Variants in POU6F2 observed in about 807,000 individuals in gnomAD.
The protein encoded by POU6F2 is POU domain, class 6, transcription factor 2.
In POU6F2, 31 loss-of-function variants were observed where a neutral mutation model predicts 71.3. The ratio of observed to expected loss-of-function variants is 0.43; its 90% CI spans 0.33 to 0.59. The LOEUF (loss-of-function observed/expected upper bound fraction) is 0.59. Among genes scored for constraint, POU6F2 ranks in the 20% least tolerant of loss-of-function variants. POU6F2 has a pLI of 0.04. For synonymous variants in POU6F2, 347 were observed against 355.7 expected (o/e 0.98, Z 0.27); for missense variants, 783 against 856.8 (o/e 0.91, Z 1.07).
At chr7:39,091,201 A>G (rs1366013780) in intron 2 of POU6F2, among the ~76,000 whole-genome samples, 3 of 152,188 alleles carry the variant, frequency 2.0e-5, no homozygotes, top group Non-Finnish European at 4.4e-5. Flanking sequence ...CAAACTTTTC[A>G]CCATATTTGT....
chr7:39,051,079 A>C (rs1790391839), intron 1 of POU6F2, among the ~76,000 whole-genome samples: 1 of 152,142 alleles, frequency 6.6e-6, no homozygotes, highest in African/African-American at 2.4e-5. Context: ...TGCCTAGCCT[A>C]TGCTTCAGGA....
intron 5 of POU6F2, among the ~76,000 whole-genome samples, chr7:39,381,472 C>T (rs765084591): frequency 2.0e-5 from 3 of 152,040 alleles, no homozygotes; most frequent in Non-Finnish European, 4.4e-5. Flanking sequence ...AAACACCTGA[C>T]CTCAAATGAT....
chr7:39,302,748 G>C (rs1252390188), intron 4 of POU6F2, among the ~76,000 whole-genome samples: 1 of 152,230 alleles, frequency 6.6e-6, no homozygotes. Flanking sequence ...TTCATCGCTT[G>C]AGCATCTATC....
chr7:39,321,076 T>A (rs1421107441), intron 4 of POU6F2, among the ~76,000 whole-genome samples: 1 of 142,584 alleles, frequency 7.0e-6, no homozygotes, highest in Non-Finnish European at 1.5e-5. Flanking sequence ...TAAATAACAA[T>A]TCTTCTATAA....
intron 2 of POU6F2, among the ~76,000 whole-genome samples, chr7:39,147,108 A>T (rs1015453595): frequency 1.3e-5 from 2 of 152,202 alleles, no homozygotes; most frequent in African/African-American, 4.8e-5. Context: ...TGGTGGGACT[A>T]CAGACAGGGT....
chr7:39,095,423 G>A (rs1467543819), intron 2 of POU6F2, among the ~76,000 whole-genome samples: 1 of 152,172 alleles, frequency 6.6e-6, no homozygotes, highest in Non-Finnish European at 1.5e-5. Context: ...AGGAATTAAT[G>A]TCTACAGCTG....
intron 4 of POU6F2, among the ~76,000 whole-genome samples, chr7:39,259,446 T>C (rs1183051494): frequency 1.3e-5 from 2 of 151,900 alleles, no homozygotes; most frequent in East Asian, 1.9e-4. Flanking sequence ...GGGCCCCGAG[T>C]AGGGAGATGA....
chr7:39,267,282 A>G (rs1465818686), intron 4 of POU6F2, among the ~76,000 whole-genome samples: 1 of 152,210 alleles, frequency 6.6e-6, no homozygotes, highest in Non-Finnish European at 1.5e-5. Context: ...GGGCTCTTGG[A>G]TTCTCTGCTC....
intron 4 of POU6F2, among the ~76,000 whole-genome samples, chr7:39,227,061 C>T (rs1051776158): frequency 2.0e-5 from 3 of 152,140 alleles, no homozygotes; most frequent in East Asian, 1.9e-4. Context: ...TATTTGCCTT[C>T]GAATTTCAAA....
intron 2 of POU6F2, among the ~76,000 whole-genome samples, chr7:39,101,379 A>G (rs1285278678): frequency 6.6e-6 from 1 of 151,826 alleles, no homozygotes; most frequent in African/African-American, 2.4e-5. Context: ...CAGGCTGTGT[A>G]TTCTTTTCAT....
intron 5 of POU6F2, among the ~76,000 whole-genome samples, chr7:39,351,922 C>T (rs1786146624): frequency 6.6e-6 from 1 of 152,180 alleles, no homozygotes; most frequent in African/African-American, 2.4e-5. Context: ...GTGGGAGTTT[C>T]CTCCTTCTAA....
intron 6 of POU6F2, among the ~76,000 whole-genome samples, chr7:39,422,198 A>G (rs904879523): frequency 3.3e-5 from 5 of 152,250 alleles, no homozygotes; most frequent in Non-Finnish European, 5.9e-5. Flanking sequence ...TTTGTTTTCT[A>G]GTACCTGGAA....
intron 2 of POU6F2, among the ~76,000 whole-genome samples, chr7:39,125,252 C>T (rs561746911): frequency 6.6e-6 from 1 of 152,132 alleles, no homozygotes; most frequent in Non-Finnish European, 1.5e-5. Flanking sequence ...ATTTATGTAT[C>T]TGTGGCAGTG....
intron 1 of POU6F2, among the ~76,000 whole-genome samples, chr7:39,039,421 T>C (rs1790133062): frequency 6.6e-6 from 1 of 152,028 alleles, no homozygotes; most frequent in Non-Finnish European, 1.5e-5. Flanking sequence ...TCTTTAATTT[T>C]ATGAAGTACA....
chr7:38,983,991 A>G (rs1320521615), intron 1 of POU6F2, among the ~76,000 whole-genome samples: 2 of 152,130 alleles, frequency 1.3e-5, no homozygotes, highest in Admixed American at 6.5e-5. Flanking sequence ...TTCAAAAGAC[A>G]GACATTAGCT....
At chr7:39,159,036 G>A (rs1192180225) in intron 2 of POU6F2, among the ~76,000 whole-genome samples, 2 of 151,882 alleles carry the variant, frequency 1.3e-5, no homozygotes, top group Admixed American at 1.3e-4. Context: ...AAATTAGCCA[G>A]GTGTGGTGGT....
intron 4 of POU6F2, among the ~76,000 whole-genome samples, chr7:39,262,594 G>A (rs1341479786): frequency 6.6e-6 from 1 of 152,108 alleles, no homozygotes; most frequent in Non-Finnish European, 1.5e-5. Context: ...TTTAAGAAAA[G>A]CATAATAATA....
At chr7:39,014,069 T>C (rs1584498981) in intron 1 of POU6F2, among the ~76,000 whole-genome samples, 3 of 152,326 alleles carry the variant, frequency 2.0e-5, no homozygotes, top group African/African-American at 7.2e-5. Flanking sequence ...AAGCTTAGCC[T>C]ACTATAGATT....
chr7:39,438,288 G>A (rs1225969113), intron 7 of POU6F2, among the ~76,000 whole-genome samples: 2 of 151,986 alleles, frequency 1.3e-5, no homozygotes, highest in African/African-American at 4.8e-5. Context: ...ATCCTTTTTT[G>A]TGGCTGCATA....
Sources: allele counts gnomAD v4.1 joint callset (sites outside exome capture counted in the v4.1 genomes callset), GRCh38; gene constraint gnomAD v4.1.1; transcripts MANE v1.5; gene names NCBI Gene and HGNC (gene_info 2026-07-23, HGNC 2026-07-21).